TMEM131: variants seen among roughly 807,000 people sequenced by gnomAD.
The protein encoded by TMEM131 is transmembrane protein 131, also known as 2610524E03Rik.
TMEM131 carries 66 observed loss-of-function variants against 211.6 expected under a neutral mutation model. That is an observed-to-expected ratio of 0.31 (90% CI 0.26 to 0.38). The LOEUF is 0.38. TMEM131 is among the 10% of genes least tolerant of loss of function. The pLI is 1.00. For synonymous variants in TMEM131, 844 were observed against 841.3 expected (o/e 1.00, Z -0.06); for missense variants, 2,036 against 2,299.3 (o/e 0.89, Z 2.34).
intron 1 of TMEM131, among the ~76,000 whole-genome samples, chr2:97,978,949 G>C (rs564628110): frequency 3.8e-4 from 58 of 152,284 alleles, no homozygotes; most frequent in African/African-American, 1.4e-3. Flanking sequence ...TTTAAAATAA[G>C]ACATGAAACT....
Position 97,797,392 on chromosome 2 carries a change from C to T in TMEM131, c.2843G>A (p.Arg948Lys). The change falls in exon 26 of 41, where the codon AGA becomes AAA. Residue 948 changes from arginine (R) to lysine (K), a missense_variant. By Grantham distance (26) the Arg-to-Lys change is conservative. Transcript: ENST00000186436. Reference sequence around the variant, plus strand: ...GACTATGATAAGTGAAGAAACAGTTCTGTTGTGAACTGGAGTAAACTTTAC... The same window carrying T: ...GACTATGATAAGTGAAGAAACAGTTTTGTTGTGAACTGGAGTAAACTTTAC... ...VKVKFTPVHN[R>K]TVSSLIIVRN... is the part of the protein sequence containing the mutation. The T allele has an allele frequency of 3.1e-6, 5 of 1,610,164 alleles. No homozygotes were observed. The South Asian group carries it at 3.3e-5, about 11-fold the overall frequency.
chr2:97,804,753 G>A (rs1204423547), intron 22 of TMEM131, among the ~76,000 whole-genome samples: 1 of 152,044 alleles, frequency 6.6e-6, no homozygotes, highest in Non-Finnish European at 1.5e-5. Context: ...ACAGACATCA[G>A]TGGTAGGTAA....
In TMEM131 at chr2:97,834,772, A is replaced by G; in HGVS notation, c.955+3T>C. 1 of 1,613,078 alleles carries G rather than the reference A, an allele frequency of 6.2e-7. No homozygotes were observed. Among genetic ancestry groups the G allele is most frequent in the South Asian group, 1.1e-5 (1 of 90,802 alleles). ...CTTTCGATTTCATCAGTTTTCCACT[A>G]ACCTGTTGTAACTTCAACCTCAACA... On this transcript the variant is annotated splice_donor_region_variant and intron_variant, in intron 9 of 40. Transcript: ENST00000186436.
intron 4 of TMEM131, among the ~76,000 whole-genome samples, chr2:97,886,757 A>G (rs1675176198): frequency 6.6e-6 from 1 of 152,182 alleles, no homozygotes; most frequent in South Asian, 2.1e-4. Flanking sequence ...GCACGTGTTT[A>G]GTTGGATGGT....
intron 33 of TMEM131, among the ~76,000 whole-genome samples, chr2:97,770,655 A>C (rs930218798): frequency 6.6e-6 from 1 of 152,214 alleles, no homozygotes. Context: ...ATACAATGTA[A>C]GTCAGTGGAA....
At chr2:97,793,929 G>A (rs1680625961) in intron 29 of TMEM131, among the ~76,000 whole-genome samples, 1 of 130,300 alleles carries the variant, frequency 7.7e-6, no homozygotes, top group African/African-American at 2.9e-5. Flanking sequence ...GGGAGGCGGA[G>A]CTTGCAGTGA....
intron 4 of TMEM131, among the ~76,000 whole-genome samples, chr2:97,859,751 C>A: frequency 6.6e-6 from 1 of 152,180 alleles, no homozygotes; most frequent in East Asian, 1.9e-4. Context: ...ACCACCCGGC[C>A]TCCTACCAAT....
At chr2:97,896,274 C>T (rs1318019286) in intron 3 of TMEM131, among the ~76,000 whole-genome samples, 1 of 152,118 alleles carries the variant, frequency 6.6e-6, no homozygotes, top group Admixed American at 6.6e-5. Flanking sequence ...GAGTGTTTTC[C>T]TTCCAATTAT....
chr2:97,811,587 T>C (rs1477155755), intron 17 of TMEM131, among the ~76,000 whole-genome samples: 6 of 152,172 alleles, frequency 3.9e-5, no homozygotes, highest in Admixed American at 2.6e-4. Context: ...GGAGCCACAA[T>C]TGTATACACA....
intron 1 of TMEM131, among the ~76,000 whole-genome samples, chr2:97,961,212 T>C (rs538641485): frequency 2.0e-5 from 3 of 152,000 alleles, no homozygotes; most frequent in Non-Finnish European, 4.4e-5. Flanking sequence ...ATTACATTTC[T>C]ATATACAAGC....
At chr2:97,922,654 T>G (rs535142656) in intron 2 of TMEM131, among the ~76,000 whole-genome samples, 29 of 152,140 alleles carry the variant, frequency 1.9e-4, no homozygotes, top group African/African-American at 6.5e-4. Flanking sequence ...TCAAAAAATA[T>G]GTGACCCTGT....
chr2:97,844,573 T>C (rs1192532644), intron 5 of TMEM131, among the ~76,000 whole-genome samples: 1 of 152,046 alleles, frequency 6.6e-6, no homozygotes, highest in Non-Finnish European at 1.5e-5. Flanking sequence ...CAGATAGGAG[T>C]TGCGTTGAGG....
chr2:97,757,091 T>G lies in TMEM131; in HGVS notation c.*8A>C. ...GGGCCCACTATGTTTGTTTGTTTTT[T>G]GCTTAATTTAATTCTCGTGAGGAAA... On this transcript the variant is annotated 3_prime_UTR_variant, in exon 41 of 41. Coordinates refer to ENST00000186436, the MANE Select transcript of TMEM131 (RefSeq NM_015348.2). The G allele has an allele frequency of 6.4e-7, 1 of 1,574,562 alleles. No homozygotes were observed. The highest frequency in any genetic ancestry group is 8.6e-7 in the Non-Finnish European group (1 of 1,156,594).
chr2:97,868,763 T>G (rs915406467), intron 4 of TMEM131, among the ~76,000 whole-genome samples: 4 of 152,182 alleles, frequency 2.6e-5, no homozygotes, highest in African/African-American at 9.7e-5. Flanking sequence ...AAAAGGTCTG[T>G]AAGAACATAT....
At chr2:97,769,507 G>A (rs1383106401) in intron 33 of TMEM131, among the ~76,000 whole-genome samples, 2 of 152,174 alleles carry the variant, frequency 1.3e-5, no homozygotes, top group Non-Finnish European at 2.9e-5. Context: ...CTGTGGAGCA[G>A]GGTTTTCTGA....
In TMEM131 at chr2:97,812,462, G is replaced by T; in HGVS notation, c.1822C>A (p.Leu608Met). The change falls in exon 17 of 41, where the codon CTG (leucine) becomes ATG (methionine). Residue 608 changes from leucine (L) to methionine (M), a missense_variant. Around this residue, in one of 3 missense-constraint regions of TMEM131, gnomAD observed 1,623 missense variants for 1,805.9 expected, o/e 0.90. Coordinates refer to ENST00000186436, the MANE Select transcript of TMEM131 (RefSeq NM_015348.2). ...AAAGAGGATTTTTCAAACTCTGGCAGGCTTGAAATTATTGTAGTTCTATTG... is the reference window on the plus strand; with the variant it reads ...AAAGAGGATTTTTCAAACTCTGGCATGCTTGAAATTATTGTAGTTCTATTG... ...RGNRTTIISS[L>M]PEFEKSSLSD... The T allele has an allele frequency of 6.2e-7, 1 of 1,612,916 alleles. No homozygotes were observed. The highest frequency in any genetic ancestry group is 8.5e-7 in the Non-Finnish European group (1 of 1,179,568).
intron 31 of TMEM131, among the ~76,000 whole-genome samples, chr2:97,782,261 C>T (rs1420904592): frequency 1.3e-5 from 2 of 152,228 alleles, no homozygotes; most frequent in African/African-American, 2.4e-5. Context: ...GAGGAGCCTC[C>T]CTGCCCTTGC....
chr2:97,954,506 G>T (rs1678469764), intron 1 of TMEM131, among the ~76,000 whole-genome samples: 2 of 152,164 alleles, frequency 1.3e-5, no homozygotes, highest in South Asian at 2.1e-4. Flanking sequence ...CAGTGAATTT[G>T]TGAAGAGAAA....
Position 97,757,453 on chromosome 2 carries a change from G to A in TMEM131, c.5368-70C>T, listed in dbSNP as rs905025538. ...AGGGTCAAGTGGGTAAGGGGGTAAG[G>A]CTACAGAAAAGATGAGGCTGGGGCA... On this transcript the variant is annotated intron_variant, in intron 40 of 40. Coordinates refer to ENST00000186436, the MANE Select transcript of TMEM131 (RefSeq NM_015348.2). 20 of 1,494,108 alleles carry A rather than the reference G, an allele frequency of 1.3e-5. No homozygotes were observed. The African/African-American group carries it at 2.2e-4, about 17-fold the overall frequency. The allele number at this position is 1,494,108 out of a possible 1,614,324, so 92.6% of individuals were successfully genotyped here. A position where few individuals can be genotyped will look rare whatever the true frequency, so the allele number is the denominator to read the frequency against.
Sources: allele counts gnomAD v4.1 joint callset (sites outside exome capture counted in the v4.1 genomes callset), GRCh38; gene constraint gnomAD v4.1.1; regional missense constraint gnomAD v4.1.1; transcripts MANE v1.5; gene names NCBI Gene and HGNC (gene_info 2026-07-23, HGNC 2026-07-21).